EIF5A: variants seen among roughly 807,000 people sequenced by gnomAD.
EIF5A encodes eukaryotic translation initiation factor 5A-1.
In EIF5A, 1 loss-of-function variant was observed where a neutral mutation model predicts 16.6. The ratio of observed to expected loss-of-function variants is 0.06; its 90% CI spans 0.02 to 0.28. EIF5A has a LOEUF of 0.28. EIF5A is among the 10% of genes least tolerant of loss of function. The probability of loss-of-function intolerance (pLI) is 1.00; values close to 1 mark genes in which losing one functional copy is unlikely to be tolerated. For missense variants in EIF5A, 29 were observed against 196.1 expected (o/e 0.15, Z 5.09); for synonymous variants, 80 against 73.6 (o/e 1.09, Z -0.44).
At chr17:7,310,427 C>G in intron 2 of EIF5A, 1 of 1,179,380 alleles carries the variant, frequency 8.5e-7, no homozygotes, top group Non-Finnish European at 1.1e-6. Context: ...GAATTTCAAC[C>G]TGATTCGTTC....
rs1290169483 is a variant in EIF5A at position 7,311,945 on chromosome 17, GT to G, written c.*139del. The G allele has an allele frequency of 4.2e-6, 2 of 473,760 alleles. No homozygotes were observed. Among genetic ancestry groups the G allele is most frequent in the African/African-American group, 3.9e-5 (2 of 50,866 alleles). 29.3% of individuals were successfully genotyped at this position (473,760 alleles called of 1,614,324 possible). ...ACAATTTATTTGACGTTTTATTTTG[GT>G]TTTCCCCACCCCCTCAATCTGTCGG... On this transcript the variant is annotated 3_prime_UTR_variant, in exon 6 of 6. Transcript: ENST00000336458.
upstream of EIF5A, chr17:7,307,410 G>A (rs370325101): frequency 9.8e-5 from 113 of 1,157,766 alleles, no homozygotes; most frequent in African/African-American, 1.6e-3. Context: ...AAAAAACCGG[G>A]TGCGCCTGCG....
At chr17:7,308,563 C>G (rs745374578) in intron 1 of EIF5A, 1 of 1,350,876 alleles carries the variant, frequency 7.4e-7, no homozygotes, top group African/African-American at 1.5e-5. Flanking sequence ...TGAAGTGTGG[C>G]GGTCAGCCAG....
At chr17:7,307,566 A>G (rs1173476775), upstream of EIF5A, 2 of 1,006,996 alleles carry the variant, frequency 2.0e-6, no homozygotes, top group Middle Eastern at 4.9e-4. Flanking sequence ...GAGGAGATAG[A>G]TAGCACGCTT....
chr17:7,308,562 GCGGT>G (rs775260560), intron 1 of EIF5A: 124 of 1,351,304 alleles, frequency 9.2e-5, no homozygotes, highest in Non-Finnish European at 1.2e-4. Context: ...GTGAAGTGTG[GCGGT>G]CAGCCAGGTG....
intron 5 of EIF5A, 36 bp downstream of exon 5, chr17:7,311,687 T>C: frequency 6.2e-7 from 1 of 1,612,942 alleles, no homozygotes; most frequent in African/African-American, 1.3e-5. Context: ...CCCCTTCACA[T>C]TTTGTTGTCC....
upstream of EIF5A, chr17:7,307,514 G>T: frequency 2.9e-6 from 3 of 1,023,382 alleles, no homozygotes; most frequent in South Asian, 3.7e-5. Flanking sequence ...GGGTGGAGAT[G>T]GGTAGGGTGT....
At chr17:7,308,305 A>G in intron 1 of EIF5A, 1 of 1,146,576 alleles carries the variant, frequency 8.7e-7, no homozygotes, top group Non-Finnish European at 1.1e-6. Flanking sequence ...CCGGGGCCGC[A>G]TGGCAGCGCG....
intron 2 of EIF5A, chr17:7,310,144 T>C (rs2072773850): frequency 7.7e-7 from 1 of 1,305,848 alleles, no homozygotes. Context: ...CCTTGAGCCG[T>C]TGTTAAGTGG....
rs1335171772 is a variant in EIF5A, at chr17:7,309,186, C to CT, written c.-21-429_-21-428insT. Among the ~76,000 whole-genome samples, 10 of 151,926 alleles carry CT rather than the reference C, an allele frequency of 6.6e-5. No homozygotes were observed. The East Asian group carries it at 1.9e-3, about 29-fold the overall frequency. On this transcript the variant is annotated intron_variant, in intron 1 of 5. Coordinates refer to ENST00000336458, the MANE Select transcript of EIF5A (RefSeq NM_001970.5). The stretch of plus-strand genomic sequence containing the variant: ...CTTGTCCTCCGGTCTCCACCCTCCC[C>CT]CCCCCCAATTAGCCCTGCCCTTTTG...
intron 5 of EIF5A, 25 bp downstream of exon 5, chr17:7,311,676 T>TC (rs1567613795): frequency 6.2e-7 from 1 of 1,613,430 alleles, no homozygotes; most frequent in East Asian, 2.2e-5. Flanking sequence ...TCCCTCACTG[T>TC]CCCCTTCACA....
At position 7,312,432 on chromosome 17, in the gene EIF5A, A is replaced by G. The variant is rs953362789; in HGVS notation, c.*622A>G. 1 of 288,434 alleles carries G rather than the reference A, an allele frequency of 3.5e-6. No homozygotes were observed. The highest frequency in any genetic ancestry group is 7.0e-6 in the Non-Finnish European group (1 of 142,456). 17.9% of individuals were successfully genotyped at this position (288,434 alleles called of 1,614,324 possible). On this transcript the variant is annotated 3_prime_UTR_variant, in exon 6 of 6. Coordinates refer to ENST00000336458, the MANE Select transcript of EIF5A (RefSeq NM_001970.5). ...ACACATTTGTTAAAATCAAACCTGA[A>G]TAAAACTACAAGTTTAATATGAAGC...
upstream of EIF5A, chr17:7,307,341 G>A (rs11652407): frequency 0.063 from 77,168 of 1,226,778 alleles, 2,669 homozygotes; most frequent in Non-Finnish European, 0.071. Context: ...GCAGGCGCAA[G>A]GACTGCCCGG....
chr17:7,308,038 G>C (rs2072679305), intron 1 of EIF5A: 1 of 985,442 alleles, frequency 1.0e-6, no homozygotes. Context: ...CCGGGGCGAG[G>C]GCCAGGGGCC....
chr17:7,309,463 C>T (rs2072748829), intron 1 of EIF5A, 152 bp from the exon 2 acceptor site: 1 of 990,670 alleles, frequency 1.0e-6, no homozygotes, highest in Admixed American at 2.5e-5. Context: ...ATATTTGAGC[C>T]CAGTCAGTAT....
chr17:7,307,793 G>C, intron 1 of EIF5A, 41 bp downstream of exon 1: 4 of 991,658 alleles, frequency 4.0e-6, no homozygotes, highest in Middle Eastern at 5.2e-4. Context: ...ACCTTGGCTT[G>C]GGCCCGGGAG....
chr17:7,310,807 C>T, intron 2 of EIF5A: 1 of 985,434 alleles, frequency 1.0e-6, no homozygotes, highest in African/African-American at 1.7e-5. Flanking sequence ...ATTGTGCTGT[C>T]AACCCCAATC....
chr17:7,309,464 C>T, intron 1 of EIF5A, 151 bp from the exon 2 acceptor site: 1 of 998,368 alleles, frequency 1.0e-6, no homozygotes, highest in East Asian at 2.5e-5. Context: ...TATTTGAGCC[C>T]AGTCAGTATT....
At chr17:7,311,187 G>C in intron 3 of EIF5A, 65 bp downstream of exon 3, 3 of 1,591,118 alleles carry the variant, frequency 1.9e-6, no homozygotes, top group Non-Finnish European at 1.7e-6. Flanking sequence ...TTGGGGGATA[G>C]GGACTGACCA....
Sources: gnomAD v4.1 joint callset for allele counts (sites outside exome capture counted in the v4.1 genomes callset) on GRCh38, gnomAD v4.1.1 for gene constraint, MANE v1.5 for transcripts, NCBI Gene and HGNC (gene_info 2026-07-23, HGNC 2026-07-21) for gene names.